DGCR8: variants seen among roughly 807,000 people sequenced by gnomAD.
The protein encoded by DGCR8 is DGCR8 microprocessor complex subunit.
In DGCR8, 14 loss-of-function variants were observed where a neutral mutation model predicts 78.5. The ratio of observed to expected loss-of-function variants is 0.18; its 90% CI spans 0.12 to 0.28. The LOEUF (loss-of-function observed/expected upper bound fraction) is 0.28, where lower values mean the gene tolerates loss of function less well. Among genes scored for constraint, DGCR8 ranks in the 10% least tolerant of loss-of-function variants. DGCR8 has a pLI of 1.00. For synonymous variants in DGCR8, 399 were observed against 402.4 expected (o/e 0.99, Z 0.10); for missense variants, 702 against 1,022.5 (o/e 0.69, Z 4.28).
At position 20,080,594 on chromosome 22, in the gene DGCR8, C is replaced by T. The variant is rs1477296306; in HGVS notation, c.-278+211C>T. On this transcript the variant is annotated intron_variant, in intron 1 of 13. Transcript: ENST00000351989. ...GGGGCTGGGGGGCGGGCCCCGGGCC[C>T]AGGCGTTGCCGACTCTCGTCGCTGT... The T allele has an allele frequency of 4.7e-6, 3 of 640,746 alleles. No individual in the cohort carries two copies. In the Admixed American group the frequency reaches 1.9e-4, roughly 40 times the overall value. The allele number at this position is 640,746 out of a possible 1,614,324, so 39.7% of individuals were successfully genotyped here.
chr22:20,103,508 G>T (rs1187609781), intron 9 of DGCR8, among the ~76,000 whole-genome samples: 2 of 152,076 alleles, frequency 1.3e-5, no homozygotes, highest in African/African-American at 4.8e-5. Flanking sequence ...TGTTAATGTA[G>T]TTAATTACGT....
intron 9 of DGCR8, among the ~76,000 whole-genome samples, chr22:20,098,555 G>A (rs1482915183): frequency 1.3e-5 from 2 of 152,256 alleles, no homozygotes; most frequent in East Asian, 1.9e-4. Flanking sequence ...TTTGTCATAT[G>A]TCCTTGCTCT....
At position 20,086,465 on chromosome 22, in the gene DGCR8, G is replaced by A. The variant is rs2049484494; in HGVS notation, c.502G>A (p.Val168Ile). The A allele has an allele frequency of 1.2e-6, 2 of 1,613,936 alleles. No homozygotes were observed. Among genetic ancestry groups the A allele is most frequent in the South Asian group, 2.2e-5 (2 of 91,084 alleles). The change falls in exon 2 of 14, where the codon GTT becomes ATT. Residue 168 changes from valine to isoleucine, a missense_variant. Around this residue, in one of 4 missense-constraint regions of DGCR8, gnomAD observed 356 missense variants for 448.9 expected, o/e 0.79. Transcript: ENST00000351989. This position sits in a 1 kb window ranked among gnomAD's most constrained non-coding sequence, Gnocchi z 6.4. ...GCATGCTTGTCCCTTTGGCGGGAGT[G>A]TTGGTGACGGGGTAGGCATAGGGGG... Reference protein sequence around the residue: ...DVHACPFGGSVGDGVGIGGES... With the variant: ...DVHACPFGGSIGDGVGIGGES...
rs2049527174 is a variant in DGCR8, at chr22:20,089,484, C to T, written c.881-185C>T. ...GACACGTGTAAATTCCCACCTCAGGCCACATGCTATCTGTCCTAGGCCTGG... is the reference window on the plus strand; with the variant it reads ...GACACGTGTAAATTCCCACCTCAGGTCACATGCTATCTGTCCTAGGCCTGG... On this transcript the variant is annotated intron_variant, in intron 3 of 13. Coordinates refer to ENST00000351989, the MANE Select transcript of DGCR8 (RefSeq NM_022720.7). This position sits in a 1 kb window ranked among gnomAD's most constrained non-coding sequence, Gnocchi z 4.9. Among the ~76,000 whole-genome samples the T allele has an allele frequency of 6.6e-6, 1 of 152,192 alleles. No homozygotes were observed. The highest frequency in any genetic ancestry group is 1.5e-5 in the Non-Finnish European group (1 of 68,034).
intron 1 of DGCR8, among the ~76,000 whole-genome samples, chr22:20,084,436 C>G (rs971888997): frequency 3.9e-5 from 6 of 152,188 alleles, no homozygotes; most frequent in African/African-American, 1.4e-4. Flanking sequence ...CCCCTCAGAC[C>G]CATCTTCCCT....
chr22:20,090,875 T>A (rs1024775510), intron 5 of DGCR8, among the ~76,000 whole-genome samples: 1 of 152,226 alleles, frequency 6.6e-6, no homozygotes, highest in Admixed American at 6.5e-5. Flanking sequence ...TGTCTGTACA[T>A]CACTACCCAG....
At position 20,111,785 on chromosome 22, in the gene DGCR8, G is replaced by A. The variant is rs1339738492; in HGVS notation, c.*1677G>A. On this transcript the variant is annotated 3_prime_UTR_variant, in exon 14 of 14. Coordinates refer to ENST00000351989, the MANE Select transcript of DGCR8 (RefSeq NM_022720.7). ...GCCATGCTTCAAGGCCGGGGCAGGGGAGCCTGTGCTGATGCCATCCAGGGC... is the reference window on the plus strand; with the variant it reads ...GCCATGCTTCAAGGCCGGGGCAGGGAAGCCTGTGCTGATGCCATCCAGGGC... 4.3e-6 allele frequency: 1 copy of A among 230,876 alleles called. No homozygotes were observed. The highest frequency in any genetic ancestry group is 8.4e-6 in the Non-Finnish European group (1 of 119,060). 14.3% of individuals were successfully genotyped at this position (230,876 alleles called of 1,614,324 possible).
rs375425509 is a variant in DGCR8 at position 20,111,364 on chromosome 22, CTTTT to C, written c.*1267_*1270del. ...CCCCCTACAGGCGGTACTGATGGCG[CTTTT>C]TTTTTTTTTTCTGTCAGGAAAACAA... On this transcript the variant is annotated 3_prime_UTR_variant, in exon 14 of 14. Coordinates refer to ENST00000351989, the MANE Select transcript of DGCR8 (RefSeq NM_022720.7). 4.9e-5 allele frequency: 19 copies of C among 384,628 alleles called. No homozygotes were observed. The highest frequency in any genetic ancestry group is 5.4e-5 in the Non-Finnish European group (12 of 220,650). 23.8% of individuals were successfully genotyped at this position (384,628 alleles called of 1,614,324 possible).
intron 9 of DGCR8, among the ~76,000 whole-genome samples, chr22:20,105,877 G>A (rs1014654039): frequency 6.6e-6 from 1 of 152,222 alleles, no homozygotes; most frequent in African/African-American, 2.4e-5. Flanking sequence ...ATCAGAATCA[G>A]ATCCAAATAA....
chr22:20,081,700 CTT>C (rs1344802938), intron 1 of DGCR8, among the ~76,000 whole-genome samples: 4 of 152,234 alleles, frequency 2.6e-5, no homozygotes, highest in African/African-American at 9.7e-5. Flanking sequence ...CCTGGCCTCT[CTT>C]CTGATTTCCA....
intron 9 of DGCR8, among the ~76,000 whole-genome samples, chr22:20,095,882 A>G (rs1422502673): frequency 1.3e-5 from 2 of 152,166 alleles, no homozygotes; most frequent in Non-Finnish European, 2.9e-5. Context: ...CAGGCATTAG[A>G]TTTGCATAAG....
intron 9 of DGCR8, chr22:20,096,455 G>C: frequency 1.0e-6 from 1 of 985,298 alleles, no homozygotes; most frequent in Middle Eastern, 5.2e-4. Context: ...AACCTTTTTG[G>C]GTAAATGGTT....
At chr22:20,098,820 C>T (rs1484119270) in intron 9 of DGCR8, among the ~76,000 whole-genome samples, 1 of 152,192 alleles carries the variant, frequency 6.6e-6, no homozygotes, top group Non-Finnish European at 1.5e-5. Flanking sequence ...GGATTAGGCC[C>T]TACCCTAATG....
chr22:20,084,373 G>T (rs1037822597), intron 1 of DGCR8, among the ~76,000 whole-genome samples: 1 of 152,212 alleles, frequency 6.6e-6, no homozygotes, highest in African/African-American at 2.4e-5. Context: ...GAGTGTGCAT[G>T]TGCGTGTGTC....
intron 9 of DGCR8, among the ~76,000 whole-genome samples, chr22:20,103,129 AC>A (rs1230966791): frequency 6.7e-6 from 1 of 149,660 alleles, no homozygotes; most frequent in African/African-American, 2.4e-5. Flanking sequence ...CAAGAGCGAA[AC>A]CCCATCTTAA....
intron 9 of DGCR8, chr22:20,100,647 C>T: frequency 1.0e-6 from 1 of 985,422 alleles, no homozygotes; most frequent in Non-Finnish European, 1.2e-6. Context: ...TCTCAGCCTC[C>T]ACTCTGGGGT....
Position 20,111,706 on chromosome 22 carries a change from G to GCGGGGGGCCCCC in DGCR8, c.*1599_*1600insGGGGGGCCCCCC. The GCGGGGGGCCCCC allele has an allele frequency of 3.2e-5, 2 of 63,040 alleles. No homozygotes were observed. Among genetic ancestry groups the GCGGGGGGCCCCC allele is most frequent in the South Asian group, 7.5e-4 (1 of 1,338 alleles). The allele number at this position is 63,040 out of a possible 1,614,324, so 3.9% of individuals were successfully genotyped here. On this transcript the variant is annotated 3_prime_UTR_variant, in exon 14 of 14. Transcript: ENST00000351989. ...TGCCATACTCTTGTGGTCTCTGTGC[G>GCGGGGGGCCCCC]CCCCCCCCCCCCCCCCACCCGTCTG...
Position 20,086,263 on chromosome 22 carries a change from G to T in DGCR8, c.300G>T (p.Arg100=), listed in dbSNP as rs1351251372. ...NCSGHSPRTA[R]HAPAVRKFSP... is the part of the protein sequence containing the mutation. ...GTGGCCACAGCCCGCGCACCGCCCGGCACGCACCTGCGGTCCGGAAGTTCT... is the reference window on the plus strand; with the variant it reads ...GTGGCCACAGCCCGCGCACCGCCCGTCACGCACCTGCGGTCCGGAAGTTCT... The change falls in exon 2 of 14, where the codon CGG becomes CGT. Residue 100 remains arginine, a synonymous_variant. Coordinates refer to ENST00000351989, the MANE Select transcript of DGCR8 (RefSeq NM_022720.7). The surrounding 1 kb of genome is among the most constrained non-coding windows in gnomAD (Gnocchi z 6.4). 1.2e-6 allele frequency: 2 copies of T among 1,614,162 alleles called. No homozygotes were observed. The highest frequency in any genetic ancestry group is 1.7e-6 in the Non-Finnish European group (2 of 1,180,044).
chr22:20,096,427 C>G (rs1293934953), intron 9 of DGCR8: 1 of 984,960 alleles, frequency 1.0e-6, no homozygotes, highest in African/African-American at 1.7e-5. Flanking sequence ...TGTGAAGAAC[C>G]ATTTAAAACT....
Sources: gnomAD v4.1 joint callset for allele counts (sites outside exome capture counted in the v4.1 genomes callset) on GRCh38, gnomAD v4.1.1 for gene constraint, gnomAD v4.1.1 regional missense constraint, Gnocchi (gnomAD v3.1) non-coding constraint, MANE v1.5 for transcripts, NCBI Gene and HGNC (gene_info 2026-07-23, HGNC 2026-07-21) for gene names.